The following DRD2 variants were observed in gnomAD, a reference collection of about 807,000 sequenced individuals.
The protein encoded by DRD2 is dopamine receptor D2, also known as D(2) dopamine receptor.
Under a neutral mutation model 38.0 loss-of-function variants are expected in DRD2, and 8 were observed. The ratio of observed to expected loss-of-function variants is 0.21; its 90% CI spans 0.12 to 0.38. The LOEUF (loss-of-function observed/expected upper bound fraction) is 0.38, where lower values mean the gene tolerates loss of function less well. Among genes scored for constraint, DRD2 ranks in the 10% least tolerant of loss-of-function variants. The probability of loss-of-function intolerance (pLI) is 1.00; values close to 1 mark genes in which losing one functional copy is unlikely to be tolerated. For missense variants in DRD2, 403 were observed against 607.7 expected (o/e 0.66, Z 3.54); for synonymous variants, 230 against 238.6 (o/e 0.96, Z 0.33).
chr11:113,422,453 A>G (rs1376333685), intron 2 of DRD2, among the ~76,000 whole-genome samples: 1 of 152,172 alleles, frequency 6.6e-6, no homozygotes, highest in Non-Finnish European at 1.5e-5. Context: ...ATTTTTCCCT[A>G]TGGTCTGAGA....
At chr11:113,450,798 C>A (rs926784504) in intron 1 of DRD2, among the ~76,000 whole-genome samples, 14 of 152,176 alleles carry the variant, frequency 9.2e-5, no homozygotes, top group Non-Finnish European at 1.5e-5. Flanking sequence ...TTGAGGAAGA[C>A]CCCTGCCAAA....
intron 1 of DRD2, among the ~76,000 whole-genome samples, chr11:113,438,069 C>T (rs941457679): frequency 6.6e-6 from 1 of 152,204 alleles, no homozygotes; most frequent in Non-Finnish European, 1.5e-5. Flanking sequence ...ACTGCTGCTG[C>T]ATACCACTCC....
chr11:113,410,953 A>C (rs376927214), intron 7 of DRD2, 33 bp from the exon 8 acceptor site: 113 of 1,589,932 alleles, frequency 7.1e-5, no homozygotes, highest in Non-Finnish European at 9.4e-5. Flanking sequence ...GCTGGTCCCC[A>C]GAGCCGGGGA....
intron 1 of DRD2, among the ~76,000 whole-genome samples, chr11:113,451,464 A>G (rs959825217): frequency 1.2e-4 from 18 of 152,222 alleles, no homozygotes; most frequent in African/African-American, 4.1e-4. Flanking sequence ...GTATATATAT[A>G]ATTTTTCCTG....
rs1951473147 is a variant in DRD2, at chr11:113,475,322, G to A, written c.-278C>T. On this transcript the variant is annotated 5_prime_UTR_variant, in exon 1 of 8. Transcript: ENST00000362072. Reference sequence around the variant, plus strand: ...GCGGGGCGGGGCGGGGCCGGGCGCGGGGCGGGCGGGCAGGAGGGAGCGCGG... The same window carrying A: ...GCGGGGCGGGGCGGGGCCGGGCGCGAGGCGGGCGGGCAGGAGGGAGCGCGG... 6.8e-6 allele frequency: 1 copy of A among 148,140 alleles called. No individual in the cohort carries two copies. The highest frequency in any genetic ancestry group is 2.4e-5 in the African/African-American group (1 of 40,960). The allele number at this position is 148,140 out of a possible 1,614,324, so 9.2% of individuals were successfully genotyped here. A position where few individuals can be genotyped will look rare whatever the true frequency, so the allele number is the denominator to read the frequency against.
chr11:113,444,570 A>G (rs774199632), intron 1 of DRD2, among the ~76,000 whole-genome samples: 1 of 152,194 alleles, frequency 6.6e-6, no homozygotes, highest in Non-Finnish European at 1.5e-5. Context: ...ACGGGGCTGT[A>G]TGTTCCTTGA....
intron 1 of DRD2, among the ~76,000 whole-genome samples, chr11:113,463,594 G>A (rs1336152491): frequency 6.6e-6 from 1 of 151,380 alleles, no homozygotes; most frequent in African/African-American, 2.4e-5. Context: ...AGGACTTCAG[G>A]GATGAGCAGA....
At chr11:113,440,789 C>A (rs1013068001) in intron 1 of DRD2, among the ~76,000 whole-genome samples, 1 of 152,210 alleles carries the variant, frequency 6.6e-6, no homozygotes, top group African/African-American at 2.4e-5. Context: ...GGGAACACCC[C>A]AGACTAGAGC....
intron 1 of DRD2, among the ~76,000 whole-genome samples, chr11:113,470,861 C>G (rs35659571): frequency 0.017 from 2,578 of 152,318 alleles, 30 homozygotes; most frequent in Non-Finnish European, 0.028. Context: ...TGTGTCATCT[C>G]TGACTCCTCC....
At chr11:113,414,600 G>A (rs544688442) in intron 5 of DRD2, 139 bp from the exon 6 acceptor site, 14 of 828,404 alleles carry the variant, frequency 1.7e-5, no homozygotes, top group Admixed American at 3.9e-5. Context: ...AGAGGAGGCA[G>A]TTGGGGCAAG....
At chr11:113,415,081 CAGAG>C (rs1950812511) in intron 5 of DRD2, among the ~76,000 whole-genome samples, 1 of 151,996 alleles carries the variant, frequency 6.6e-6, no homozygotes, top group African/African-American at 2.4e-5. Flanking sequence ...ATGGAGGAGT[CAGAG>C]GGAGCTAAAG....
chr11:113,431,503 A>G (rs1950987639), intron 1 of DRD2, among the ~76,000 whole-genome samples: 1 of 152,204 alleles, frequency 6.6e-6, no homozygotes, highest in East Asian at 1.9e-4. Context: ...AGATCTCCTC[A>G]TCTGTCTCCA....
At chr11:113,414,497 G>A in intron 5 of DRD2, 36 bp from the exon 6 acceptor site, 1 of 1,612,768 alleles carries the variant, frequency 6.2e-7, no homozygotes, top group Non-Finnish European at 8.5e-7. Context: ...CACACAAAGT[G>A]GTGGGGATGG....
chr11:113,413,201 A>C, intron 6 of DRD2: 1 of 629,796 alleles, frequency 1.6e-6, no homozygotes, highest in Non-Finnish European at 3.0e-6. Flanking sequence ...GCCAGGTGCC[A>C]CAGTGGCTGC....
chr11:113,446,755 T>C (rs569598048), intron 1 of DRD2, among the ~76,000 whole-genome samples: 1 of 152,268 alleles, frequency 6.6e-6, no homozygotes, highest in African/African-American at 2.4e-5. Flanking sequence ...ATGCAAGTAG[T>C]TGTGAAAATG....
chr11:113,441,977 G>A (rs115908467), intron 1 of DRD2, among the ~76,000 whole-genome samples: 11 of 151,108 alleles, frequency 7.3e-5, no homozygotes, highest in African/African-American at 1.9e-4. Context: ...ACACCTCCAC[G>A]CTTGTTCCCC....
chr11:113,424,895 T>A (rs879569312), intron 1 of DRD2: 52 of 574,146 alleles, frequency 9.1e-5, no homozygotes, highest in Non-Finnish European at 1.5e-4. Context: ...AAACACAATT[T>A]TTTAAAAATG....
intron 1 of DRD2, among the ~76,000 whole-genome samples, chr11:113,461,274 G>A (rs1951315493): frequency 1.3e-5 from 2 of 152,154 alleles, no homozygotes; most frequent in South Asian, 2.1e-4. Flanking sequence ...CTTAATGATG[G>A]GGCTCCCAGT....
At chr11:113,468,006 GC>G (rs1333685458) in intron 1 of DRD2, among the ~76,000 whole-genome samples, 10 of 152,200 alleles carry the variant, frequency 6.6e-5, no homozygotes, top group African/African-American at 2.4e-4. Flanking sequence ...AAGGACAACA[GC>G]TCAAAGTGTT....
Sources: allele counts gnomAD v4.1 joint callset (sites outside exome capture counted in the v4.1 genomes callset), GRCh38; gene constraint gnomAD v4.1.1; transcripts MANE v1.5; gene names NCBI Gene and HGNC (gene_info 2026-07-23, HGNC 2026-07-21).